Variants in EBF3 observed in about 807,000 individuals in gnomAD.
EBF3 encodes EBF transcription factor 3.
EBF3 carries 18 observed loss-of-function variants against 77.1 expected under a neutral mutation model. That is an observed-to-expected ratio of 0.23 (90% CI 0.16 to 0.35). The LOEUF is 0.35. EBF3 is among the 10% of genes least tolerant of loss of function. The pLI is 1.00. For missense variants in EBF3, 558 were observed against 860.0 expected, an observed-to-expected ratio of 0.65 and a Z score of 4.39; for synonymous variants, 350 against 343.5, an observed-to-expected ratio of 1.02 and a Z score of -0.21.
At chr10:129,911,400 T>C (rs560540076) in intron 6 of EBF3, among the ~76,000 whole-genome samples, 28 of 152,322 alleles carry the variant, frequency 1.8e-4, no homozygotes, top group African/African-American at 6.7e-4. Flanking sequence ...CTCTAGACCC[T>C]GTCCTGGCTC....
At chr10:129,954,418 C>A (rs533295876) in intron 6 of EBF3, among the ~76,000 whole-genome samples, 61 of 148,350 alleles carry the variant, frequency 4.1e-4, no homozygotes, top group African/African-American at 1.5e-3. Context: ...CACTTCCCCC[C>A]CCCCTTTTTT....
Position 129,837,820 on chromosome 10 carries a change from CTGA to C in EBF3, c.*120_*122del. The C allele has an allele frequency of 1.5e-6, 2 of 1,325,820 alleles. No homozygotes were observed. Among genetic ancestry groups the C allele is most frequent in the Admixed American group, 2.0e-5 (1 of 49,234 alleles). 82.1% of individuals were successfully genotyped at this position (1,325,820 alleles called of 1,614,324 possible). A position where few individuals can be genotyped will look rare whatever the true frequency, so the allele number is the denominator to read the frequency against. The stretch of plus-strand genomic sequence containing the variant: ...GTCTTTTGTAGCATTTCAATTGCTG[CTGA>C]TTTTTTTGAAGATACTGTTTCCATC... On this transcript the variant is annotated 3_prime_UTR_variant, in exon 17 of 17. Transcript: ENST00000440978.
chr10:129,897,491 G>A lies in EBF3; in HGVS notation c.555-19642C>T, dbSNP rs185256141. Among the ~76,000 whole-genome samples the A allele has an allele frequency of 1.3e-5, 2 of 152,230 alleles. No homozygotes were observed. The highest frequency in any genetic ancestry group is 4.8e-5 in the African/African-American group (2 of 41,542). On this transcript the variant is annotated intron_variant, in intron 6 of 16. Transcript: ENST00000440978. This position sits in a 1 kb window ranked among gnomAD's most constrained non-coding sequence, Gnocchi z 4.6. Reference sequence around the variant, plus strand: ...ACTGGCTCCCCCTAAATCAAGGGGGGCCAGGCAGACCTAACAAACAGAGGC... The same window carrying A: ...ACTGGCTCCCCCTAAATCAAGGGGGACCAGGCAGACCTAACAAACAGAGGC...
intron 6 of EBF3, among the ~76,000 whole-genome samples, chr10:129,880,671 G>A (rs568146758): frequency 1.3e-5 from 2 of 152,336 alleles, no homozygotes; most frequent in South Asian, 2.1e-4. Context: ...GAGCACACAG[G>A]TCCCAGTGAC....
intron 11 of EBF3, chr10:129,845,374 A>G (rs1161158273): frequency 6.6e-6 from 1 of 152,268 alleles, no homozygotes; most frequent in East Asian, 1.9e-4. Context: ...ACAGACTTCA[A>G]GTTAAATGGA....
intron 6 of EBF3, among the ~76,000 whole-genome samples, chr10:129,945,162 A>C: frequency 4.1e-5 from 1 of 24,448 alleles, no homozygotes; most frequent in Admixed American, 6.6e-4. Flanking sequence ...AGAAGAGGGG[A>C]GGGGAGAGGA....
chr10:129,878,836 A>AG (rs1449790645), intron 6 of EBF3, among the ~76,000 whole-genome samples: 11 of 150,506 alleles, frequency 7.3e-5, no homozygotes, highest in Non-Finnish European at 1.5e-4. Context: ...AAAAAAAAAA[A>AG]AAAAAAAAAA....
intron 6 of EBF3, among the ~76,000 whole-genome samples, chr10:129,934,833 A>T (rs1292192958): frequency 1.3e-5 from 2 of 152,148 alleles, no homozygotes; most frequent in Non-Finnish European, 2.9e-5. Context: ...TGCTCAAAGA[A>T]GCCCAAATTC....
rs980391541 is a variant in EBF3, at chr10:129,938,203, C to T, written c.554+19055G>A. Among the ~76,000 whole-genome samples, 3 of 152,066 alleles carry T rather than the reference C, an allele frequency of 2.0e-5. No homozygotes were observed. Among genetic ancestry groups the T allele is most frequent in the Non-Finnish European group, 4.4e-5 (3 of 68,020 alleles). ...TTCATCAGTGAGCCCCTCTGGTACA[C>T]AGACTGCTCTGTTCTAGAACGGAAA... On this transcript the variant is annotated intron_variant, in intron 6 of 16. Coordinates refer to ENST00000440978, the MANE Select transcript of EBF3 (RefSeq NM_001375380.1). The surrounding 1 kb of genome is among the most constrained non-coding windows in gnomAD (Gnocchi z 5.1).
chr10:129,878,717 T>G (rs1184625850), intron 6 of EBF3, among the ~76,000 whole-genome samples: 4 of 119,446 alleles, frequency 3.3e-5, no homozygotes, highest in Non-Finnish European at 3.3e-5. Context: ...AAAAAGCAAT[T>G]GGGGGGTGGG....
At chr10:129,899,083 C>G (rs1489330959) in intron 6 of EBF3, among the ~76,000 whole-genome samples, 1 of 152,256 alleles carries the variant, frequency 6.6e-6, no homozygotes, top group Non-Finnish European at 1.5e-5. Context: ...CCTGCCTCCG[C>G]GCAGCCTTGA....
In EBF3 at chr10:129,879,947, G is replaced by GAGA. The variant is rs1484181628; in HGVS notation, c.555-2101_555-2099dup. The stretch of plus-strand genomic sequence containing the variant: ...TAATCTTCGGAGCAGGCGCCGGCCC[G>GAGA]AGAAGCTGCTCATCTGCAAATGTAC... On this transcript the variant is annotated intron_variant, in intron 6 of 16. Coordinates refer to ENST00000440978, the MANE Select transcript of EBF3 (RefSeq NM_001375380.1). The surrounding 1 kb of genome is among the most constrained non-coding windows in gnomAD (Gnocchi z 4.7). 6.6e-6 allele frequency among the ~76,000 whole-genome samples: 1 copy of GAGA among 152,168 alleles called. No individual in the cohort carries two copies. The highest frequency in any genetic ancestry group is 1.5e-5 in the Non-Finnish European group (1 of 68,036).
In EBF3 at chr10:129,836,012, G is replaced by C. The variant is rs957275401; in HGVS notation, c.*1931C>G. On this transcript the variant is annotated 3_prime_UTR_variant, in exon 17 of 17. Transcript: ENST00000440978. ...AAAAATTGAAAACCAGCAGTGATTT[G>C]GGTCCCCCTGAAACCTCTGTGAATC... The C allele has an allele frequency of 1.3e-5, 2 of 152,556 alleles. No individual in the cohort carries two copies. Among genetic ancestry groups the C allele is most frequent in the Non-Finnish European group, 2.9e-5 (2 of 68,052 alleles). 9.5% of individuals were successfully genotyped at this position (152,556 alleles called of 1,614,324 possible). A position where few individuals can be genotyped will look rare whatever the true frequency, so the allele number is the denominator to read the frequency against.
chr10:129,936,611 A>G (rs976608702), intron 6 of EBF3, among the ~76,000 whole-genome samples: 3 of 146,854 alleles, frequency 2.0e-5, no homozygotes, highest in African/African-American at 5.1e-5. Context: ...TGTGTGGGGA[A>G]CCAGGGGTTA....
chr10:129,861,226 T>G lies in EBF3; in HGVS notation c.1039+5915A>C, dbSNP rs901892731. 1.3e-5 allele frequency among the ~76,000 whole-genome samples: 2 copies of G among 152,116 alleles called. No homozygotes were observed. Among genetic ancestry groups the G allele is most frequent in the Non-Finnish European group, 2.9e-5 (2 of 68,018 alleles). ...CCCTCCCTTCCTTTGTGGCTCTGCCTAAGGGGCCCTGAGGACCCTTGAAAT... is the reference window on the plus strand; with the variant it reads ...CCCTCCCTTCCTTTGTGGCTCTGCCGAAGGGGCCCTGAGGACCCTTGAAAT... On this transcript the variant is annotated intron_variant, in intron 10 of 16. Transcript: ENST00000440978. The surrounding 1 kb of genome is among the most constrained non-coding windows in gnomAD (Gnocchi z 4.3).
chr10:129,920,780 T>C (rs1202319930), intron 6 of EBF3, among the ~76,000 whole-genome samples: 1 of 152,162 alleles, frequency 6.6e-6, no homozygotes, highest in Non-Finnish European at 1.5e-5. Flanking sequence ...CCAGTAACCA[T>C]GAAGGACCAT....
At position 129,878,823 on chromosome 10, in the gene EBF3, C is replaced by CAA. The variant is rs10654202; in HGVS notation, c.555-976_555-975dup. Among the ~76,000 whole-genome samples the CAA allele has an allele frequency of 6.5e-3, 380 of 58,734 alleles. 19 individuals are homozygous for CAA. The highest frequency in any genetic ancestry group is 0.02 in the African/African-American group (328 of 16,168). The allele number at this position is 58,734 out of a possible 152,430, so 38.5% of individuals were successfully genotyped here. A position where few individuals can be genotyped will look rare whatever the true frequency, so the allele number is the denominator to read the frequency against. ...TGGGCAACACAGTGAAAATCGGTCTCAAAAAAAAAAAAAAAAAAAAAAATC... is the reference window on the plus strand; with the variant it reads ...TGGGCAACACAGTGAAAATCGGTCTCAAAAAAAAAAAAAAAAAAAAAAAAATC... On this transcript the variant is annotated intron_variant, in intron 6 of 16. Coordinates refer to ENST00000440978, the MANE Select transcript of EBF3 (RefSeq NM_001375380.1).
chr10:129,891,197 G>GC (rs1403879881), intron 6 of EBF3, among the ~76,000 whole-genome samples: 2 of 152,040 alleles, frequency 1.3e-5, no homozygotes, highest in East Asian at 3.8e-4. Flanking sequence ...ATATATTATA[G>GC]CATGACTTTA....
At chr10:129,866,974 G>A (rs192365408) in intron 10 of EBF3, among the ~76,000 whole-genome samples, 167 bp downstream of exon 10, 105 of 152,348 alleles carry the variant, frequency 6.9e-4, no homozygotes, top group Non-Finnish European at 1.2e-4. Context: ...CTCAAACAAA[G>A]ATGTGGAAAC....
Sources: allele counts gnomAD v4.1 joint callset (sites outside exome capture counted in the v4.1 genomes callset), GRCh38; gene constraint gnomAD v4.1.1; non-coding constraint Gnocchi (gnomAD v3.1); transcripts MANE v1.5; gene names NCBI Gene and HGNC (gene_info 2026-07-23, HGNC 2026-07-21).